Variants in PTPRG observed in about 807,000 individuals in gnomAD.
The protein encoded by PTPRG is receptor-type tyrosine-protein phosphatase gamma.
PTPRG carries 102 observed loss-of-function variants against 165.3 expected under a neutral mutation model. The ratio of observed to expected loss-of-function variants is 0.62; its 90% CI spans 0.53 to 0.73. The LOEUF is 0.73. Among genes scored for constraint, PTPRG ranks in the 30% least tolerant of loss-of-function variants. The pLI, the probability that PTPRG is intolerant of heterozygous loss-of-function variation, is 0.00. For synonymous variants in PTPRG, 675 were observed against 669.5 expected (o/e 1.01, Z -0.13); for missense variants, 1,866 against 1,861.4 (o/e 1.00, Z -0.05).
At chr3:62,142,781 A>C (rs557158683) in intron 6 of PTPRG, among the ~76,000 whole-genome samples, 1 of 152,322 alleles carries the variant, frequency 6.6e-6, no homozygotes, top group Admixed American at 6.5e-5. Context: ...CAGGAATCAG[A>C]AACAAAGGGG....
chr3:61,595,021 G>A (rs1451928686), intron 1 of PTPRG, among the ~76,000 whole-genome samples: 3 of 151,930 alleles, frequency 2.0e-5, no homozygotes, highest in Non-Finnish European at 2.9e-5. Flanking sequence ...GATGAAAAGC[G>A]AGAAAACTGA....
intron 5 of PTPRG, among the ~76,000 whole-genome samples, chr3:62,105,843 C>A (rs1016981530): frequency 4.9e-4 from 74 of 152,142 alleles, no homozygotes; most frequent in Non-Finnish European, 4.9e-4. Flanking sequence ...TTGGTGTCTT[C>A]TCAAGGTCAT....
rs1425325020 is a variant in PTPRG, at chr3:62,231,206, T to C, written c.2289-19T>C. The C allele has an allele frequency of 2.0e-6, 3 of 1,523,420 alleles. No homozygotes were observed. The highest frequency in any genetic ancestry group is 1.4e-5 in the African/African-American group (1 of 71,106). The allele number at this position is 1,523,420 out of a possible 1,614,324, so 94.4% of individuals were successfully genotyped here. On this transcript the variant is annotated intron_variant, in intron 13 of 29. Coordinates refer to ENST00000474889, the MANE Select transcript of PTPRG (RefSeq NM_002841.4). Reference sequence around the variant, plus strand: ...TACTGTATTCTACACCTGTTCTCTTTTGTTTTTTGTCCATTTAGAGGGTGT... The same window carrying C: ...TACTGTATTCTACACCTGTTCTCTTCTGTTTTTTGTCCATTTAGAGGGTGT...
chr3:62,070,148 G>A (rs1178900487), intron 4 of PTPRG, among the ~76,000 whole-genome samples: 1 of 152,092 alleles, frequency 6.6e-6, no homozygotes, highest in Non-Finnish European at 1.5e-5. Context: ...TTTTGTTGAA[G>A]TATTAAAATT....
rs1220658344 is a variant in PTPRG, at chr3:62,229,784, CAA to C, written c.2289-1438_2289-1437del. On this transcript the variant is annotated intron_variant, in intron 13 of 29. Transcript: ENST00000474889. This position sits in a 1 kb window ranked among gnomAD's most constrained non-coding sequence, Gnocchi z 4.6. ...TGATTGTGTGGCATTTGCTTCTCAG[CAA>C]AAGTGTTGTCAGTTTACGGGTGGTA... is the stretch of plus-strand genomic sequence containing the variant. 1.3e-5 allele frequency among the ~76,000 whole-genome samples: 2 copies of C among 152,180 alleles called. No individual in the cohort carries two copies. The highest frequency in any genetic ancestry group is 6.5e-5 in the Admixed American group (1 of 15,274).
intron 1 of PTPRG, among the ~76,000 whole-genome samples, chr3:61,676,225 A>G (rs1040378182): frequency 1.3e-5 from 2 of 151,934 alleles, no homozygotes; most frequent in Admixed American, 6.6e-5. Flanking sequence ...TGGGAGGCTG[A>G]GGTGGGCAGA....
intron 2 of PTPRG, among the ~76,000 whole-genome samples, chr3:61,776,833 C>T (rs1243560341): frequency 6.6e-6 from 1 of 152,112 alleles, no homozygotes; most frequent in African/African-American, 2.4e-5. Flanking sequence ...AAAACTACTT[C>T]TTTGCCTAAG....
intron 2 of PTPRG, among the ~76,000 whole-genome samples, chr3:61,910,884 AG>A (rs2038785994): frequency 6.6e-6 from 1 of 152,160 alleles, no homozygotes; most frequent in African/African-American, 2.4e-5. Flanking sequence ...AATCTTTGCC[AG>A]GTCTCAGCCC....
At chr3:61,842,641 TAA>T (rs1289169508) in intron 2 of PTPRG, among the ~76,000 whole-genome samples, 1 of 119,218 alleles carries the variant, frequency 8.4e-6, no homozygotes, top group Admixed American at 9.3e-5. Flanking sequence ...ATGACACAGA[TAA>T]AGTGAATTTT....
chr3:62,149,795 C>T (rs773984591), intron 6 of PTPRG, among the ~76,000 whole-genome samples: 1 of 152,198 alleles, frequency 6.6e-6, no homozygotes, highest in Non-Finnish European at 1.5e-5. Flanking sequence ...GTGTTTTACT[C>T]AGTTGTGTCA....
rs36020392 is a variant in PTPRG at position 61,812,203 on chromosome 3, TTGTGTGTGTG to T, written c.190+63232_190+63241del. Among the ~76,000 whole-genome samples, 15 of 150,568 alleles carry T rather than the reference TTGTGTGTGTG, an allele frequency of 1.0e-4. No individual in the cohort carries two copies. The Middle Eastern group carries it at 0.01, about 103-fold the overall frequency. ...ACTTCTTCCTGGTATCTACAGTTGA[TTGTGTGTGTG>T]TGTGTGTGTGAAAACGATGATTTTT... On this transcript the variant is annotated intron_variant, in intron 2 of 29. Transcript: ENST00000474889.
intron 1 of PTPRG, among the ~76,000 whole-genome samples, chr3:61,566,496 C>T (rs962048899): frequency 6.6e-6 from 1 of 152,210 alleles, no homozygotes; most frequent in Non-Finnish European, 1.5e-5. Context: ...TGTCTCCCTG[C>T]CTTTTCCTGG....
chr3:61,820,403 C>T (rs941747096), intron 2 of PTPRG, among the ~76,000 whole-genome samples: 3 of 152,126 alleles, frequency 2.0e-5, no homozygotes, highest in Non-Finnish European at 2.9e-5. Flanking sequence ...GGTACCCACT[C>T]GTATTAAGTG....
chr3:62,215,520 C>T (rs959595427), intron 12 of PTPRG, among the ~76,000 whole-genome samples: 2 of 143,594 alleles, frequency 1.4e-5, no homozygotes, highest in African/African-American at 5.3e-5. Flanking sequence ...AGTGGGATTT[C>T]AGATAGGCTC....
rs1236370632 is a variant in PTPRG, at chr3:62,254,906, A to G, written c.2468-218A>G. On this transcript the variant is annotated intron_variant, in intron 15 of 29. Coordinates refer to ENST00000474889, the MANE Select transcript of PTPRG (RefSeq NM_002841.4). This position sits in a 1 kb window ranked among gnomAD's most constrained non-coding sequence, Gnocchi z 4.6. ...ATTCTCTATGTACCTTTTTTTAAAA[A>G]CCATATTTAACCTGGCTTGTAGGCA... 1.3e-5 allele frequency among the ~76,000 whole-genome samples: 2 copies of G among 152,100 alleles called. No homozygotes were observed. The highest frequency in any genetic ancestry group is 2.9e-5 in the Non-Finnish European group (2 of 68,010).
intron 2 of PTPRG, among the ~76,000 whole-genome samples, chr3:61,781,568 G>A (rs542721779): frequency 2.0e-4 from 30 of 152,138 alleles, no homozygotes; most frequent in African/African-American, 7.2e-4. Context: ...CCTACATGAG[G>A]CAAAATCACA....
chr3:61,771,463 A>G (rs1575650788), intron 2 of PTPRG: 1 of 152,252 alleles, frequency 6.6e-6, no homozygotes, highest in African/African-American at 2.4e-5. Context: ...CATTTAGACC[A>G]TACAAGCTGA....
chr3:61,573,571 C>A (rs149448090), intron 1 of PTPRG, among the ~76,000 whole-genome samples: 1 of 152,142 alleles, frequency 6.6e-6, no homozygotes, highest in Non-Finnish European at 1.5e-5. Flanking sequence ...CACCGTGATA[C>A]GCAATACATT....
intron 2 of PTPRG, among the ~76,000 whole-genome samples, chr3:61,851,523 C>T (rs1031538626): frequency 8.5e-5 from 13 of 152,100 alleles, no homozygotes; most frequent in Admixed American, 2.6e-4. Flanking sequence ...TCTGTATAAA[C>T]GTACCTAACA....
Sources: gnomAD v4.1 joint callset for allele counts (sites outside exome capture counted in the v4.1 genomes callset) on GRCh38, gnomAD v4.1.1 for gene constraint, Gnocchi (gnomAD v3.1) non-coding constraint, MANE v1.5 for transcripts, NCBI Gene and HGNC (gene_info 2026-07-23, HGNC 2026-07-21) for gene names.